USP31: variants seen among roughly 807,000 people sequenced by gnomAD.
USP31 encodes ubiquitin carboxyl-terminal hydrolase 31.
Under a neutral mutation model 119.4 loss-of-function variants are expected in USP31, and 44 were observed. The ratio of observed to expected loss-of-function variants is 0.37; its 90% CI spans 0.29 to 0.47. The LOEUF (loss-of-function observed/expected upper bound fraction) is 0.47. Ranked by LOEUF, USP31 falls within the 20% of genes least tolerant of loss-of-function variation. The probability of loss-of-function intolerance (pLI) is 0.99; values close to 1 mark genes in which losing one functional copy is unlikely to be tolerated. For synonymous variants in USP31, 749 were observed against 705.6 expected (o/e 1.06, Z -0.97); for missense variants, 1,643 against 1,730.2 (o/e 0.95, Z 0.89).
chr16:23,085,596 C>T lies in USP31; in HGVS notation c.1689G>A (p.Glu563=), dbSNP rs546589193. 3.1e-6 allele frequency: 5 copies of T among 1,613,634 alleles called. No individual in the cohort carries two copies. The African/African-American group carries it at 4.0e-5, about 13-fold the overall frequency. ...HVKLVVEWDK[E]TRDFLFVNTE... Reference sequence around the variant, plus strand: ...TTAAAAATACTCACAAATCTCTTGTCTCCTTGTCCCACTCGACTACTAATT... The same window carrying T: ...TTAAAAATACTCACAAATCTCTTGTTTCCTTGTCCCACTCGACTACTAATT... Residue 563 remains glutamate, a synonymous_variant, in exon 10 of 16, where the codon GAG becomes GAA. Coordinates refer to ENST00000219689, the MANE Select transcript of USP31 (RefSeq NM_020718.4).
chr16:23,087,607 G>T, intron 8 of USP31, 117 bp downstream of exon 8: 2 of 899,396 alleles, frequency 2.2e-6, no homozygotes, highest in Non-Finnish European at 1.7e-6. Context: ...CATAAAATGA[G>T]GGATAAATTC....
Position 23,148,651 on chromosome 16 carries a change from C to A in USP31, c.620G>T (p.Ser207Ile). The A allele has an allele frequency of 6.7e-7, 1 of 1,488,834 alleles. No individual in the cohort carries two copies. Among genetic ancestry groups the A allele is most frequent in the South Asian group, 1.3e-5 (1 of 78,540 alleles). 92.2% of individuals were successfully genotyped at this position (1,488,834 alleles called of 1,614,324 possible). Reference sequence around the variant, plus strand: ...GCGCGGGCTCACCTTGAAGTCGCGGCTGTGCTGCGGGGTGTACTCCAGGGT... The same window carrying A: ...GCGCGGGCTCACCTTGAAGTCGCGGATGTGCTGCGGGGTGTACTCCAGGGT... ...LWTLEYTPQH[S>I]RDFKTIVSKN... is the part of the protein sequence containing the mutation. The change falls in exon 1 of 16, where the codon AGC (serine) becomes ATC (isoleucine). Residue 207 changes from serine to isoleucine, a missense_variant. This residue lies in a region of USP31 where 144 missense variants were observed against 218.0 expected (regional missense o/e 0.66). Transcript: ENST00000219689.
At chr16:23,147,542 C>T (rs1007969549) in intron 1 of USP31, among the ~76,000 whole-genome samples, 1 of 152,168 alleles carries the variant, frequency 6.6e-6, no homozygotes, top group Non-Finnish European at 1.5e-5. Context: ...CCATACCATC[C>T]GGTCCCAGCC....
At chr16:23,140,347 AG>A (rs1271184692) in intron 1 of USP31, among the ~76,000 whole-genome samples, 1 of 152,140 alleles carries the variant, frequency 6.6e-6, no homozygotes, top group Non-Finnish European at 1.5e-5. Context: ...GACTTGGAGT[AG>A]GGGGGAGTAC....
At chr16:23,113,758 G>A (rs1902397856) in intron 1 of USP31, among the ~76,000 whole-genome samples, 1 of 152,176 alleles carries the variant, frequency 6.6e-6, no homozygotes, top group African/African-American at 2.4e-5. Flanking sequence ...TTCAGGAGCA[G>A]AGGGACCCAC....
At position 23,148,802 on chromosome 16, in the gene USP31, C is replaced by T; in HGVS notation, c.469G>A (p.Ala157Thr). 1 of 1,538,786 alleles carries T rather than the reference C, an allele frequency of 6.5e-7. No individual in the cohort carries two copies. The highest frequency in any genetic ancestry group is 1.2e-5 in the South Asian group (1 of 81,930). The change falls in exon 1 of 16, where the codon GCG becomes ACG. Residue 157 changes from alanine (A) to threonine (T), a missense_variant. Ala to Thr is a moderately conservative substitution (Grantham distance 58). This residue lies in a region of USP31 where 302 missense variants were observed against 262.6 expected (regional missense o/e 1.15). Transcript: ENST00000219689. ...SNTELFAEYL[A>T]LGQYRAGRPE... ...CGCCCCGCCCGGTACTGGCCCAGCGCCAGGTACTCGGCGAAGAGCTCGGTG... is the reference window on the plus strand; with the variant it reads ...CGCCCCGCCCGGTACTGGCCCAGCGTCAGGTACTCGGCGAAGAGCTCGGTG...
In USP31 at chr16:23,148,790, A is replaced by C; in HGVS notation, c.481T>G (p.Tyr161Asp). The C allele has an allele frequency of 1.3e-6, 2 of 1,538,554 alleles. No individual in the cohort carries two copies. The highest frequency in any genetic ancestry group is 1.7e-6 in the Non-Finnish European group (2 of 1,147,890). Residue 161 changes from tyrosine to aspartate, a missense_variant, in exon 1 of 16, where the codon TAC (tyrosine) becomes GAC (aspartate). Physicochemically the swap from Tyr to Asp is radical, Grantham distance 160 (BLOSUM62 -3). This residue lies in a region of USP31 where 302 missense variants were observed against 262.6 expected (regional missense o/e 1.15). Coordinates refer to ENST00000219689, the MANE Select transcript of USP31 (RefSeq NM_020718.4). Reference protein sequence around the residue: ...LFAEYLALGQYRAGRPEPSPD... With the variant: ...LFAEYLALGQDRAGRPEPSPD... Reference sequence around the variant, plus strand: ...GAGGGCTCGGGCCGCCCCGCCCGGTACTGGCCCAGCGCCAGGTACTCGGCG... The same window carrying C: ...GAGGGCTCGGGCCGCCCCGCCCGGTCCTGGCCCAGCGCCAGGTACTCGGCG...
At chr16:23,132,641 GTTCCT>G (rs1903064952) in intron 1 of USP31, among the ~76,000 whole-genome samples, 1 of 152,190 alleles carries the variant, frequency 6.6e-6, no homozygotes, top group Admixed American at 6.5e-5. Flanking sequence ...GACTAGATCA[GTTCCT>G]TTCTACATGG....
intron 1 of USP31, among the ~76,000 whole-genome samples, chr16:23,135,019 G>A (rs907256282): frequency 4.6e-5 from 7 of 151,102 alleles, no homozygotes; most frequent in Admixed American, 2.6e-4. Context: ...ATGAAAGGAC[G>A]TTCAACATAT....
At chr16:23,083,137 A>C (rs892352289) in intron 11 of USP31, among the ~76,000 whole-genome samples, 1 of 152,044 alleles carries the variant, frequency 6.6e-6, no homozygotes, top group Non-Finnish European at 1.5e-5. Context: ...GCCAGATGTC[A>C]CTTTCTATGT....
intron 6 of USP31, among the ~76,000 whole-genome samples, chr16:23,097,077 A>G (rs528805491): frequency 6.6e-6 from 1 of 152,302 alleles, no homozygotes; most frequent in East Asian, 1.9e-4. Context: ...AAAGATCAAC[A>G]AAATTGATAG....
chr16:23,127,057 T>C lies in USP31; in HGVS notation c.634-18874A>G, dbSNP rs1159666472. ...TGCAGATTTGACTTCAGCCATATATTGTATTTTTTAATATAATTATGATGC... is the reference window on the plus strand; with the variant it reads ...TGCAGATTTGACTTCAGCCATATATCGTATTTTTTAATATAATTATGATGC... On this transcript the variant is annotated intron_variant, in intron 1 of 15. Transcript: ENST00000219689. Among the ~76,000 whole-genome samples, 4 of 152,204 alleles carry C rather than the reference T, an allele frequency of 2.6e-5. No individual in the cohort carries two copies. The South Asian group carries it at 8.3e-4, about 31-fold the overall frequency.
At position 23,069,147 on chromosome 16, in the gene USP31, ATTG is replaced by A. The variant is rs755712593; in HGVS notation, c.2955_2957del (p.Asn987del). The A allele has an allele frequency of 6.8e-6, 11 of 1,613,962 alleles. No homozygotes were observed. In the East Asian group the frequency reaches 1.3e-4, roughly 20 times the overall value. ...TCTGATCCACATAAGCGATCTGATTATTGTTATCAAATGGACCAGAGAGCGGGG... is the reference window on the plus strand; with the variant it reads ...TCTGATCCACATAAGCGATCTGATTATTATCAAATGGACCAGAGAGCGGGG... On this transcript the variant is annotated inframe_deletion, in exon 16 of 16. Coordinates refer to ENST00000219689, the MANE Select transcript of USP31 (RefSeq NM_020718.4).
chr16:23,146,346 T>C (rs1303556889), intron 1 of USP31, among the ~76,000 whole-genome samples: 1 of 151,896 alleles, frequency 6.6e-6, no homozygotes, highest in Non-Finnish European at 1.5e-5. Context: ...ATCTCAGCAC[T>C]TGGGGAGGCC....
At chr16:23,108,390 C>T (rs1902194643) in intron 1 of USP31, among the ~76,000 whole-genome samples, 2 of 152,150 alleles carry the variant, frequency 1.3e-5, no homozygotes, top group Non-Finnish European at 2.9e-5. Flanking sequence ...CTTAATCCAG[C>T]AATCTTACTT....
At chr16:23,088,648 G>C (rs1901219947) in intron 7 of USP31, among the ~76,000 whole-genome samples, 1 of 152,132 alleles carries the variant, frequency 6.6e-6, no homozygotes, top group South Asian at 2.1e-4. Flanking sequence ...CTGAGTCTAG[G>C]CTGTCTCCTA....
rs919514780 is a variant in USP31 at position 23,134,903 on chromosome 16, C to G, written c.633+13735G>C. On this transcript the variant is annotated intron_variant, in intron 1 of 15. Coordinates refer to ENST00000219689, the MANE Select transcript of USP31 (RefSeq NM_020718.4). The stretch of plus-strand genomic sequence containing the variant: ...AGTTGTTACCTTATACACACACACA[C>G]ACACACACACACATATTCTATAGAG... Among the ~76,000 whole-genome samples, 607 of 151,748 alleles carry G rather than the reference C, an allele frequency of 4.0e-3. 7 individuals are homozygous for G. Among genetic ancestry groups the G allele is most frequent in the African/African-American group, 0.013 (553 of 41,476 alleles).
At position 23,068,811 on chromosome 16, in the gene USP31, C is replaced by T; in HGVS notation, c.3294G>A (p.Glu1098=). The change falls in exon 16 of 16, where the codon GAG becomes GAA. Residue 1098 remains glutamate, a synonymous_variant. Transcript: ENST00000219689. ...SSPAPAQPKK[E]SSPKSQDSVS... is the part of the protein sequence containing the mutation. ...CGGAGTCCTGAGATTTCGGGGATGA[C>T]TCCTTTTTGGGTTGGGCAGGGGCAG... The T allele has an allele frequency of 1.9e-6, 3 of 1,556,228 alleles. No individual in the cohort carries two copies. The highest frequency in any genetic ancestry group is 2.5e-5 in the South Asian group (2 of 79,392).
At chr16:23,119,105 C>CTTT (rs34893925) in intron 1 of USP31, among the ~76,000 whole-genome samples, 1 of 143,852 alleles carries the variant, frequency 7.0e-6, no homozygotes, top group Non-Finnish European at 1.5e-5. Context: ...TTCTTTTTTT[C>CTTT]TTTTTTTTTT....
Sources: gnomAD v4.1 joint callset for allele counts (sites outside exome capture counted in the v4.1 genomes callset) on GRCh38, gnomAD v4.1.1 for gene constraint, gnomAD v4.1.1 regional missense constraint, MANE v1.5 for transcripts, NCBI Gene and HGNC (gene_info 2026-07-23, HGNC 2026-07-21) for gene names.